Variants in PSMB2 observed in about 807,000 individuals in gnomAD.
PSMB2 encodes proteasome subunit beta type-2.
Under a neutral mutation model 25.7 loss-of-function variants are expected in PSMB2, and 13 were observed. The ratio of observed to expected loss-of-function variants is 0.51; its 90% CI spans 0.33 to 0.80. The LOEUF (loss-of-function observed/expected upper bound fraction) is 0.80, where lower values mean the gene tolerates loss of function less well. PSMB2 is among the 30% of genes least tolerant of loss of function. The pLI is 0.02. For missense variants in PSMB2, 202 were observed against 259.0 expected (o/e 0.78, Z 1.51); for synonymous variants, 87 against 96.2 (o/e 0.90, Z 0.56).
intron 4 of PSMB2, among the ~76,000 whole-genome samples, chr1:35,608,277 A>G (rs1650227933): frequency 6.6e-6 from 1 of 152,102 alleles, no homozygotes; most frequent in African/African-American, 2.4e-5. Flanking sequence ...AGGCACGAGA[A>G]TTGCTTGAAC....
intron 3 of PSMB2, among the ~76,000 whole-genome samples, chr1:35,615,985 G>A (rs887024963): frequency 1.3e-5 from 2 of 152,158 alleles, no homozygotes; most frequent in Non-Finnish European, 2.9e-5. Context: ...TTTAGTCCAG[G>A]GGATTGTCAA....
intron 3 of PSMB2, among the ~76,000 whole-genome samples, chr1:35,628,631 A>ATATATATATAT (rs1202256440): frequency 2.6e-5 from 1 of 38,088 alleles, no homozygotes; most frequent in African/African-American, 1.3e-4. Flanking sequence ...ATATATATAT[A>ATATATATATAT]TTTTTTTTTT....
At chr1:35,619,466 C>A (rs949249340) in intron 3 of PSMB2, among the ~76,000 whole-genome samples, 10 of 152,164 alleles carry the variant, frequency 6.6e-5, no homozygotes, top group African/African-American at 2.4e-4. Context: ...TTGAGTGCCC[C>A]ATCTGTAATG....
At chr1:35,638,557 G>C (rs978853613) in intron 1 of PSMB2, among the ~76,000 whole-genome samples, 1 of 152,194 alleles carries the variant, frequency 6.6e-6, no homozygotes, top group Non-Finnish European at 1.5e-5. Flanking sequence ...ACTCACAAGT[G>C]AGAAAAACTA....
chr1:35,602,852 G>A lies in PSMB2; in HGVS notation c.*415C>T. The A allele has an allele frequency of 6.9e-6, 6 of 865,588 alleles. No homozygotes were observed. Among genetic ancestry groups the A allele is most frequent in the Non-Finnish European group, 8.4e-6 (6 of 716,776 alleles). 53.6% of individuals were successfully genotyped at this position (865,588 alleles called of 1,614,324 possible). On this transcript the variant is annotated 3_prime_UTR_variant, in exon 6 of 6. Transcript: ENST00000373237. ...GTACTGTTTGCATGTTACATTAAGT[G>A]CATGTATTATTAATTCAGGTTAATT...
In PSMB2 at chr1:35,599,877, A is replaced by T; in HGVS notation, c.*3390T>A. On this transcript the variant is annotated 3_prime_UTR_variant, in exon 6 of 6. Transcript: ENST00000373237. ...GCTGGGTGCAGTGGCTCACATCTGTAATCCCAGTGCTTTGGCAGACCAAGG... is the reference window on the plus strand; with the variant it reads ...GCTGGGTGCAGTGGCTCACATCTGTTATCCCAGTGCTTTGGCAGACCAAGG... The T allele has an allele frequency of 1.0e-6, 1 of 974,804 alleles. No homozygotes were observed. The highest frequency in any genetic ancestry group is 1.2e-6 in the Non-Finnish European group (1 of 820,250). 60.4% of individuals were successfully genotyped at this position (974,804 alleles called of 1,614,324 possible). A position where few individuals can be genotyped will look rare whatever the true frequency, so the allele number is the denominator to read the frequency against.
chr1:35,619,929 C>T (rs1440491198), intron 3 of PSMB2, among the ~76,000 whole-genome samples: 1 of 152,212 alleles, frequency 6.6e-6, no homozygotes, highest in Non-Finnish European at 1.5e-5. Context: ...ATAAAACCAA[C>T]ACCATGTTTG....
intron 3 of PSMB2, among the ~76,000 whole-genome samples, chr1:35,628,432 G>A (rs930072170): frequency 6.6e-6 from 1 of 151,238 alleles, no homozygotes; most frequent in Non-Finnish European, 1.5e-5. Flanking sequence ...TGCCTGATAA[G>A]TCAGAGGAAC....
rs111414212 is a variant in PSMB2, at chr1:35,608,074, T to C, written c.448+1172A>G. Among the ~76,000 whole-genome samples, 83 of 152,126 alleles carry C rather than the reference T, an allele frequency of 5.5e-4. 1 individual carries two copies. Among genetic ancestry groups the C allele is most frequent in the Admixed American group, 3.3e-4 (5 of 15,252 alleles). On this transcript the variant is annotated intron_variant, in intron 4 of 5. Transcript: ENST00000373237. The stretch of plus-strand genomic sequence containing the variant: ...GGGATGGGGGACATTTGTTAAAAGA[T>C]ACGAAATTGGCAGGACACGGTGGCT...
chr1:35,599,849 T>C lies in PSMB2; in HGVS notation c.*3418A>G. The C allele has an allele frequency of 3.0e-6, 3 of 984,950 alleles. No individual in the cohort carries two copies. The highest frequency in any genetic ancestry group is 3.6e-6 in the Non-Finnish European group (3 of 829,512). 61.0% of individuals were successfully genotyped at this position (984,950 alleles called of 1,614,324 possible). A position where few individuals can be genotyped will look rare whatever the true frequency, so the allele number is the denominator to read the frequency against. On this transcript the variant is annotated 3_prime_UTR_variant, in exon 6 of 6. Coordinates refer to ENST00000373237, the MANE Select transcript of PSMB2 (RefSeq NM_002794.5). ...AATGGGGATGGAGATTTATAAAGAT[T>C]AGGCTGGGTGCAGTGGCTCACATCT...
In PSMB2 at chr1:35,601,441, T is replaced by A. The variant is rs74064233; in HGVS notation, c.*1826A>T. The stretch of plus-strand genomic sequence containing the variant: ...CTAGCTAAAAGCTCAAACCTATGCA[T>A]ATTCATGGTGGTGTTGGAGGTTGAA... On this transcript the variant is annotated 3_prime_UTR_variant, in exon 6 of 6. Transcript: ENST00000373237. 10 of 985,244 alleles carry A rather than the reference T, an allele frequency of 1.0e-5. No homozygotes were observed. The Admixed American group carries it at 1.8e-4, about 18-fold the overall frequency. 61.0% of individuals were successfully genotyped at this position (985,244 alleles called of 1,614,324 possible).
chr1:35,628,602 T>TATATATATAA (rs1557456367), intron 3 of PSMB2, among the ~76,000 whole-genome samples: 1 of 25,266 alleles, frequency 4.0e-5, no homozygotes, highest in Non-Finnish European at 7.6e-5. Context: ...AAAAAATATA[T>TATATATATAA]ATATATATAT....
Position 35,601,597 on chromosome 1 carries a change from A to G in PSMB2, c.*1670T>C, listed in dbSNP as rs1650003315. The G allele has an allele frequency of 3.0e-6, 3 of 985,086 alleles. No individual in the cohort carries two copies. In the African/African-American group the frequency reaches 5.2e-5, roughly 17 times the overall value. The allele number at this position is 985,086 out of a possible 1,614,324, so 61.0% of individuals were successfully genotyped here. A position where few individuals can be genotyped will look rare whatever the true frequency, so the allele number is the denominator to read the frequency against. On this transcript the variant is annotated 3_prime_UTR_variant, in exon 6 of 6. Coordinates refer to ENST00000373237, the MANE Select transcript of PSMB2 (RefSeq NM_002794.5). Reference sequence around the variant, plus strand: ...GACACCCAAATCTAATGTTAACCCAATACTTTAATATGAACGTTATGATCA... The same window carrying G: ...GACACCCAAATCTAATGTTAACCCAGTACTTTAATATGAACGTTATGATCA...
intron 1 of PSMB2, among the ~76,000 whole-genome samples, 183 bp downstream of exon 1, chr1:35,641,159 C>T (rs1471783350): frequency 1.3e-5 from 2 of 152,000 alleles, no homozygotes; most frequent in African/African-American, 4.8e-5. Context: ...CATTGCACTC[C>T]GGCCTGGACA....
chr1:35,607,767 T>C (rs895280965), intron 4 of PSMB2, among the ~76,000 whole-genome samples: 1 of 152,120 alleles, frequency 6.6e-6, no homozygotes, highest in Admixed American at 6.5e-5. Flanking sequence ...TGCAACACTA[T>C]TCACAATAGC....
At chr1:35,636,735 T>A (rs1045205668) in intron 1 of PSMB2, among the ~76,000 whole-genome samples, 1 of 152,208 alleles carries the variant, frequency 6.6e-6, no homozygotes, top group Non-Finnish European at 1.5e-5. Context: ...TAGAGATGAT[T>A]TGAAGTACAC....
rs74569694 is a variant in PSMB2, at chr1:35,607,234, G to A, written c.449-1952C>T. Among the ~76,000 whole-genome samples the A allele has an allele frequency of 3.2e-3, 494 of 152,266 alleles. 1 individual carries two copies. The highest frequency in any genetic ancestry group is 0.011 in the African/African-American group (467 of 41,564). ...TGCTTCTGCACAGCAAAGGAAACAA[G>A]AGTGAAAAGGCAACCTACAGAATGG... On this transcript the variant is annotated intron_variant, in intron 4 of 5. Transcript: ENST00000373237.
intron 3 of PSMB2, among the ~76,000 whole-genome samples, chr1:35,628,596 A>AAAAAAAAAAAAAT (rs59538661): frequency 4.0e-5 from 1 of 25,098 alleles, no homozygotes; most frequent in African/African-American, 1.1e-4. Context: ...AAAAAAAAAA[A>AAAAAAAAAAAAAT]ATATATATAT....
intron 2 of PSMB2, 74 bp from the exon 3 acceptor site, chr1:35,631,418 C>T: frequency 6.3e-7 from 1 of 1,596,274 alleles, no homozygotes; most frequent in East Asian, 2.2e-5. Flanking sequence ...ATTCACTACC[C>T]CTGTTCCTAA....
Sources: allele counts gnomAD v4.1 joint callset (sites outside exome capture counted in the v4.1 genomes callset), GRCh38; gene constraint gnomAD v4.1.1; transcripts MANE v1.5; gene names NCBI Gene and HGNC (gene_info 2026-07-23, HGNC 2026-07-21).